MYLK4: variants seen among roughly 807,000 people sequenced by gnomAD.
MYLK4 encodes myosin light chain kinase family member 4.
A neutral mutation model predicts 48.1 loss-of-function variants in MYLK4; 46 were observed. The observed-to-expected ratio is 0.96, with a 90% CI of 0.75 to 1.22. MYLK4 has a LOEUF of 1.22. MYLK4 is among the 50% of genes most tolerant of loss of function. MYLK4 has a pLI of 0.00. For missense variants in MYLK4, 451 were observed against 486.1 expected, an observed-to-expected ratio of 0.93 and a Z score of 0.68; for synonymous variants, 170 against 180.8, an observed-to-expected ratio of 0.94 and a Z score of 0.48.
chr6:2,752,121 T>C (rs1367429022), upstream of MYLK4, among the ~76,000 whole-genome samples: 3 of 152,212 alleles, frequency 2.0e-5, no homozygotes, highest in East Asian at 5.8e-4. Context: ...GCAGACTTCC[T>C]ATCTCGTTGG....
the MYLK4 span, chr6:2,766,162 G>T: frequency 7.5e-7 from 1 of 1,333,312 alleles, no homozygotes. Flanking sequence ...ACGCGGACGC[G>T]GACGGCGAGG....
At chr6:2,688,295 G>C (rs1761636767) in intron 4 of MYLK4, among the ~76,000 whole-genome samples, 1 of 152,092 alleles carries the variant, frequency 6.6e-6, no homozygotes. Flanking sequence ...CTGACCTCAA[G>C]TGATCTGCCC....
chr6:2,765,968 A>C, the MYLK4 span: 2 of 1,415,868 alleles, frequency 1.4e-6, no homozygotes, highest in Non-Finnish European at 1.8e-6. Context: ...CGCGCCGCCC[A>C]CACCCAGCGG....
In MYLK4 at chr6:2,685,444, G is replaced by C; in HGVS notation, c.435+39C>G. 1 of 1,604,262 alleles carries C rather than the reference G, an allele frequency of 6.2e-7. No individual in the cohort carries two copies. Among genetic ancestry groups the C allele is most frequent in the East Asian group, 2.2e-5 (1 of 44,814 alleles). ...AACAGTGCATTAGTGTGGTCAAGAT[G>C]GGGCGGGGAGGGAGGGGACCACCTC... On this transcript the variant is annotated intron_variant, in intron 5 of 12. Coordinates refer to ENST00000274643, the MANE Select transcript of MYLK4 (RefSeq NM_001012418.5). This position sits in a 1 kb window ranked among gnomAD's most constrained non-coding sequence, Gnocchi z 4.5.
intron 2 of MYLK4, among the ~76,000 whole-genome samples, chr6:2,732,757 G>A (rs1251156185): frequency 2.0e-5 from 3 of 151,924 alleles, no homozygotes; most frequent in Non-Finnish European, 4.4e-5. Flanking sequence ...AAATCTAGAG[G>A]GTTTGCAGGA....
chr6:2,762,508 T>C, the MYLK4 span, among the ~76,000 whole-genome samples: 17,749 of 152,164 alleles, frequency 0.12, 1,063 homozygotes, highest in South Asian at 0.18. Context: ...GGCCACGTTA[T>C]CTCTATAAAT....
chr6:2,765,182 A>ACCCCCCCCCCCCCCCCCCC, the MYLK4 span, among the ~76,000 whole-genome samples: 7 of 72,944 alleles, frequency 9.6e-5, no homozygotes, highest in African/African-American at 2.1e-4. Context: ...TCGCCTCGCA[A>ACCCCCCCCCCCCCCCCCCC]CCCCCCCCCC....
At chr6:2,765,336 C>T in the MYLK4 span, 72,568 of 259,598 alleles carry the variant, frequency 0.28, 10,685 homozygotes, top group East Asian at 0.35. Context: ...CCACGGACTA[C>T]ACTTACTTAC....
intron 2 of MYLK4, among the ~76,000 whole-genome samples, chr6:2,747,226 T>C (rs186816411): frequency 6.6e-6 from 1 of 152,152 alleles, no homozygotes; most frequent in Admixed American, 6.5e-5. Context: ...CAGTCTCAAT[T>C]TTTCCCTCAA....
At chr6:2,715,901 C>T (rs1762847663) in intron 2 of MYLK4, among the ~76,000 whole-genome samples, 1 of 152,214 alleles carries the variant, frequency 6.6e-6, no homozygotes, top group Non-Finnish European at 1.5e-5. Context: ...ATTTATGGGA[C>T]CTGTTCCGTG....
upstream of MYLK4, among the ~76,000 whole-genome samples, chr6:2,752,454 A>C (rs931706694): frequency 6.6e-6 from 1 of 151,956 alleles, no homozygotes; most frequent in Non-Finnish European, 1.5e-5. Context: ...TCCACAGTAC[A>C]TTTAGAATCA....
At chr6:2,670,310 G>C (rs983550963) in intron 12 of MYLK4, among the ~76,000 whole-genome samples, 2 of 152,164 alleles carry the variant, frequency 1.3e-5, no homozygotes, top group Non-Finnish European at 2.9e-5. Flanking sequence ...GGGTTGCAGT[G>C]AGCCAAGATC....
chr6:2,721,040 A>C (rs1763052119), intron 2 of MYLK4, among the ~76,000 whole-genome samples: 1 of 152,156 alleles, frequency 6.6e-6, no homozygotes, highest in Non-Finnish European at 1.5e-5. Context: ...ACCTGCCTGT[A>C]GTCCCAGCTA....
intron 8 of MYLK4, among the ~76,000 whole-genome samples, chr6:2,679,901 T>G (rs1761227649): frequency 1.3e-5 from 2 of 152,248 alleles, no homozygotes. Context: ...TTAATATTTT[T>G]AAAGTAAATC....
chr6:2,765,821 C>A, the MYLK4 span: 31 of 1,356,490 alleles, frequency 2.3e-5, no homozygotes, highest in Non-Finnish European at 2.8e-5. Flanking sequence ...GCCCTCGCCG[C>A]CCGGCGCCAA....
chr6:2,746,503 T>C (rs565019546), intron 2 of MYLK4, among the ~76,000 whole-genome samples: 6 of 152,278 alleles, frequency 3.9e-5, no homozygotes, highest in African/African-American at 1.4e-4. Context: ...TTAACAAATA[T>C]AAGTTGTTAA....
chr6:2,739,627 C>A (rs1212036399), intron 2 of MYLK4, among the ~76,000 whole-genome samples: 1 of 152,142 alleles, frequency 6.6e-6, no homozygotes, highest in Non-Finnish European at 1.5e-5. Flanking sequence ...CATACTATCA[C>A]CCTCAATGGA....
In MYLK4 at chr6:2,679,196, T is replaced by C. The variant is rs1342351522; in HGVS notation, c.887+84A>G. ...GTTATTTATTTTTTAAATACCCCAA[T>C]TGGGGCTTTTATTTAAAACGGCAAA... On this transcript the variant is annotated intron_variant, in intron 9 of 12. Coordinates refer to ENST00000274643, the MANE Select transcript of MYLK4 (RefSeq NM_001012418.5). 7.3e-6 allele frequency: 11 copies of C among 1,508,792 alleles called. No individual in the cohort carries two copies. In the Admixed American group the frequency reaches 7.3e-5, roughly 10 times the overall value. 93.5% of individuals were successfully genotyped at this position (1,508,792 alleles called of 1,614,324 possible). A position where few individuals can be genotyped will look rare whatever the true frequency, so the allele number is the denominator to read the frequency against.
chr6:2,680,574 G>C (rs1761258333), intron 7 of MYLK4: 1 of 985,400 alleles, frequency 1.0e-6, no homozygotes, highest in Non-Finnish European at 1.2e-6. Context: ...AAGAAAAGGA[G>C]GTTGCTTCAG....
Sources: gnomAD v4.1 joint callset for allele counts (sites outside exome capture counted in the v4.1 genomes callset) on GRCh38, gnomAD v4.1.1 for gene constraint, Gnocchi (gnomAD v3.1) non-coding constraint, MANE v1.5 for transcripts, NCBI Gene and HGNC (gene_info 2026-07-23, HGNC 2026-07-21) for gene names.